CCDC134: variants seen among roughly 807,000 people sequenced by gnomAD.
CCDC134 encodes coiled-coil domain containing 134.
A neutral mutation model predicts 25.6 loss-of-function variants in CCDC134; 27 were observed. That is an observed-to-expected ratio of 1.05 (90% confidence interval 0.78 to 1.45). CCDC134 has a LOEUF of 1.45. CCDC134 is among the 40% of genes most tolerant of loss of function. The probability of loss-of-function intolerance (pLI) is 0.00; values close to 1 mark genes in which losing one functional copy is unlikely to be tolerated. For synonymous variants in CCDC134, 110 were observed against 115.0 expected (o/e 0.96, Z 0.28); for missense variants, 261 against 286.7 (o/e 0.91, Z 0.65).
rs1348894291 is a variant in CCDC134 at position 41,825,533 on chromosome 22, C to T, written c.565-165C>T. On this transcript the variant is annotated intron_variant, in intron 6 of 6. Coordinates refer to ENST00000255784, the MANE Select transcript of CCDC134 (RefSeq NM_024821.5). This position sits in a 1 kb window ranked among gnomAD's most constrained non-coding sequence, Gnocchi z 4.4. Reference sequence around the variant, plus strand: ...GTTTGGCAAACTCCTGCTTATCTTCCAACACCCACTCAGCAGTTCTCCCAA... The same window carrying T: ...GTTTGGCAAACTCCTGCTTATCTTCTAACACCCACTCAGCAGTTCTCCCAA... Among the ~76,000 whole-genome samples, 1 of 152,134 alleles carries T rather than the reference C, an allele frequency of 6.6e-6. No homozygotes were observed. The highest frequency in any genetic ancestry group is 1.5e-5 in the Non-Finnish European group (1 of 68,030).
intron 4 of CCDC134, among the ~76,000 whole-genome samples, chr22:41,812,537 C>G (rs557783826): frequency 6.6e-6 from 1 of 151,716 alleles, no homozygotes; most frequent in African/African-American, 2.4e-5. Context: ...GTGGCTCATG[C>G]CTATAATCCC....
intron 1 of CCDC134, 102 bp from the exon 2 acceptor site, chr22:41,808,773 A>G (rs984022272): frequency 1.1e-6 from 1 of 898,524 alleles, no homozygotes; most frequent in African/African-American, 1.7e-5. Context: ...TGGTATACAG[A>G]GGCTGCACTA....
Position 41,831,978 on chromosome 22 carries a change from A to G in CCDC134, c.*6155A>G, listed in dbSNP as rs951130661. Reference sequence around the variant, plus strand: ...GATGACTAAACTGAGGCTTAGAACAATTAACCCAAGGTCACAGTGAATTAG... The same window carrying G: ...GATGACTAAACTGAGGCTTAGAACAGTTAACCCAAGGTCACAGTGAATTAG... On this transcript the variant is annotated 3_prime_UTR_variant, in exon 7 of 7. Coordinates refer to ENST00000255784, the MANE Select transcript of CCDC134 (RefSeq NM_024821.5). 4.6e-5 allele frequency: 7 copies of G among 152,196 alleles called. No homozygotes were observed. The highest frequency in any genetic ancestry group is 1.9e-4 in the East Asian group (1 of 5,198). The allele number at this position is 152,196 out of a possible 1,614,324, so 9.4% of individuals were successfully genotyped here. A position where few individuals can be genotyped will look rare whatever the true frequency, so the allele number is the denominator to read the frequency against.
chr22:41,811,163 TAC>T (rs1360509266), intron 4 of CCDC134, among the ~76,000 whole-genome samples: 1 of 152,156 alleles, frequency 6.6e-6, no homozygotes, highest in Non-Finnish European at 1.5e-5. Flanking sequence ...TAGACCTGTT[TAC>T]ACAGTTACAC....
intron 6 of CCDC134, among the ~76,000 whole-genome samples, chr22:41,816,179 T>C (rs2148314600): frequency 6.6e-6 from 1 of 152,300 alleles, no homozygotes; most frequent in South Asian, 2.1e-4. Context: ...TAAGGAGACA[T>C]TCCATGACCC....
chr22:41,817,570 A>C (rs113086572), intron 6 of CCDC134, among the ~76,000 whole-genome samples: 1 of 152,066 alleles, frequency 6.6e-6, no homozygotes, highest in Non-Finnish European at 1.5e-5. Context: ...TGTCTCTACT[A>C]AAAATACAAA....
At chr22:41,810,072 T>TC (rs2076587050) in intron 3 of CCDC134, 72 bp downstream of exon 3, 2 of 1,604,698 alleles carry the variant, frequency 1.2e-6, no homozygotes, top group Middle Eastern at 1.8e-4. Flanking sequence ...AAACAGGAGT[T>TC]CCCTAACGGG....
intron 6 of CCDC134, among the ~76,000 whole-genome samples, chr22:41,824,765 G>GAAGAA (rs961283378): frequency 6.6e-6 from 1 of 151,996 alleles, no homozygotes; most frequent in East Asian, 1.9e-4. Context: ...TGTCTAAAAA[G>GAAGAA]AAGAAAAGAA....
rs1015798562 is a variant in CCDC134, at chr22:41,828,505, C to T, written c.*2682C>T. Among the ~76,000 whole-genome samples the T allele has an allele frequency of 5.3e-5, 8 of 152,196 alleles. No individual in the cohort carries two copies. Among genetic ancestry groups the T allele is most frequent in the Admixed American group, 2.6e-4 (4 of 15,278 alleles). Reference sequence around the variant, plus strand: ...TCTAATACCGTCATCCTCTCTCCAACCTGGTTAATCCTGTCCTTTCTGCCC... The same window carrying T: ...TCTAATACCGTCATCCTCTCTCCAATCTGGTTAATCCTGTCCTTTCTGCCC... On this transcript the variant is annotated 3_prime_UTR_variant, in exon 7 of 7. Coordinates refer to ENST00000255784, the MANE Select transcript of CCDC134 (RefSeq NM_024821.5).
At position 41,830,028 on chromosome 22, in the gene CCDC134, C is replaced by G. The variant is rs568553462; in HGVS notation, c.*4205C>G. ...CTTCGTGATCTGCCTGCCTCGGCCTCCTAAAGTGCTGGGATTACAGGCGTA... is the reference window on the plus strand; with the variant it reads ...CTTCGTGATCTGCCTGCCTCGGCCTGCTAAAGTGCTGGGATTACAGGCGTA... On this transcript the variant is annotated 3_prime_UTR_variant, in exon 7 of 7. Transcript: ENST00000255784. 1.3e-5 allele frequency among the ~76,000 whole-genome samples: 2 copies of G among 152,308 alleles called. No individual in the cohort carries two copies. Among genetic ancestry groups the G allele is most frequent in the Admixed American group, 1.3e-4 (2 of 15,290 alleles).
intron 6 of CCDC134, among the ~76,000 whole-genome samples, chr22:41,822,190 G>A (rs1569358746): frequency 6.6e-6 from 1 of 152,134 alleles, no homozygotes; most frequent in Non-Finnish European, 1.5e-5. Flanking sequence ...GACGTAGCAT[G>A]GGGTCCGGGC....
In CCDC134 at chr22:41,808,907, T is replaced by A; in HGVS notation, c.17T>A (p.Phe6Tyr). The A allele has an allele frequency of 6.2e-7, 1 of 1,614,182 alleles. No individual in the cohort carries two copies. MDLLQ[F>Y]LAFLFVLLLS... ...GGTTTGGATATGGACCTTCTTCAAT[T>A]CCTGGCCTTCCTCTTTGTCCTGCTT... Residue 6 changes from phenylalanine (F) to tyrosine (Y), a missense_variant, in exon 2 of 7, where the codon TTC (phenylalanine) becomes TAC (tyrosine). Physicochemically the swap from Phe to Tyr is conservative, Grantham distance 22. Coordinates refer to ENST00000255784, the MANE Select transcript of CCDC134 (RefSeq NM_024821.5).
chr22:41,805,920 A>G (rs904804774), intron 1 of CCDC134, among the ~76,000 whole-genome samples: 1 of 152,226 alleles, frequency 6.6e-6, no homozygotes, highest in South Asian at 2.1e-4. Flanking sequence ...TCAAAAATAA[A>G]TAAATAAATA....
At chr22:41,819,401 G>A (rs971234566) in intron 6 of CCDC134, among the ~76,000 whole-genome samples, 9 of 152,212 alleles carry the variant, frequency 5.9e-5, no homozygotes, top group African/African-American at 2.2e-4. Context: ...TTGGCAGGGA[G>A]GTGGGATGAG....
intron 6 of CCDC134, among the ~76,000 whole-genome samples, chr22:41,816,367 G>C (rs138435256): frequency 2.1e-4 from 32 of 152,354 alleles, no homozygotes; most frequent in Non-Finnish European, 4.4e-4. Flanking sequence ...AAATTGTGCT[G>C]GCTGGTGTGT....
intron 4 of CCDC134, 39 bp from the exon 5 acceptor site, chr22:41,813,225 A>C: frequency 1.2e-6 from 2 of 1,604,082 alleles, no homozygotes; most frequent in Non-Finnish European, 1.7e-6. Flanking sequence ...CAGCCAGGAG[A>C]GCATCTGCCC....
chr22:41,826,487 C>T lies in CCDC134; in HGVS notation c.*664C>T, dbSNP rs180694796. ...ACAAATGATTGGTGTTGGGAAAGGA[C>T]CTGGAAGTGCCCTGGGACCTGGGAA... On this transcript the variant is annotated 3_prime_UTR_variant, in exon 7 of 7. Transcript: ENST00000255784. Among the ~76,000 whole-genome samples the T allele has an allele frequency of 5.0e-4, 76 of 152,362 alleles. 1 individual carries two copies. Among genetic ancestry groups the T allele is most frequent in the Middle Eastern group, 6.8e-3 (2 of 294 alleles).
rs2076686183 is a variant in CCDC134, at chr22:41,827,684, G to A, written c.*1861G>A. Among the ~76,000 whole-genome samples the A allele has an allele frequency of 6.6e-6, 1 of 152,172 alleles. No homozygotes were observed. The highest frequency in any genetic ancestry group is 1.5e-5 in the Non-Finnish European group (1 of 68,024). On this transcript the variant is annotated 3_prime_UTR_variant, in exon 7 of 7. Transcript: ENST00000255784. ...ATTCATTTACAGCATATACCCTATG[G>A]GGAGGATATTCCCTGTTATAGCTGA...
At chr22:41,802,797 C>T (rs1353313126) in intron 1 of CCDC134, among the ~76,000 whole-genome samples, 3 of 151,800 alleles carry the variant, frequency 2.0e-5, no homozygotes, top group African/African-American at 7.3e-5. Context: ...GCCTGTAGTC[C>T]CAGCTACTTG....
Sources: allele counts gnomAD v4.1 joint callset (sites outside exome capture counted in the v4.1 genomes callset), GRCh38; gene constraint gnomAD v4.1.1; non-coding constraint Gnocchi (gnomAD v3.1); transcripts MANE v1.5; gene names NCBI Gene and HGNC (gene_info 2026-07-23, HGNC 2026-07-21).